RAB3IP: variants seen among roughly 807,000 people sequenced by gnomAD.
RAB3IP encodes rab-3A-interacting protein.
Under a neutral mutation model 59.1 loss-of-function variants are expected in RAB3IP, and 36 were observed. The ratio of observed to expected loss-of-function variants is 0.61; its 90% CI spans 0.47 to 0.80. The LOEUF (loss-of-function observed/expected upper bound fraction) is 0.80. Among genes scored for constraint, RAB3IP ranks in the 30% least tolerant of loss-of-function variants. The pLI is 0.00. For missense variants in RAB3IP, 511 were observed against 536.0 expected, an observed-to-expected ratio of 0.95 and a Z score of 0.46; for synonymous variants, 207 against 191.2, an observed-to-expected ratio of 1.08 and a Z score of -0.68.
intron 8 of RAB3IP, among the ~76,000 whole-genome samples, chr12:69,802,808 TG>T (rs1878601247): frequency 6.6e-6 from 1 of 152,202 alleles, no homozygotes; most frequent in African/African-American, 2.4e-5. Flanking sequence ...TACAGAATGT[TG>T]TTGTTTAGGT....
chr12:69,782,850 G>T (rs1241226611), intron 3 of RAB3IP, among the ~76,000 whole-genome samples: 1 of 151,496 alleles, frequency 6.6e-6, no homozygotes, highest in Admixed American at 6.6e-5. Flanking sequence ...ACATTCTCTG[G>T]TCCACTCAGG....
intron 8 of RAB3IP, among the ~76,000 whole-genome samples, chr12:69,811,016 TAAG>T (rs1592630641): frequency 6.6e-6 from 1 of 152,156 alleles, no homozygotes; most frequent in Admixed American, 6.5e-5. Context: ...TGAGATCTTT[TAAG>T]AAACGCTATA....
At position 69,817,705 on chromosome 12, in the gene RAB3IP, G is replaced by A. The variant is rs1396303057; in HGVS notation, c.*2259G>A. The A allele has an allele frequency of 1.4e-5, 2 of 140,602 alleles. No individual in the cohort carries two copies. The highest frequency in any genetic ancestry group is 3.1e-5 in the Non-Finnish European group (2 of 64,552). The allele number at this position is 140,602 out of a possible 1,614,324, so 8.7% of individuals were successfully genotyped here. ...ACACACACTGTGTCCATGAACTTGG[G>A]AGGATGAGGTGGGAGGATTGCTTGA... is the stretch of plus-strand genomic sequence containing the variant. On this transcript the variant is annotated 3_prime_UTR_variant, in exon 11 of 11. Coordinates refer to ENST00000247833, the MANE Select transcript of RAB3IP (RefSeq NM_022456.5).
intron 3 of RAB3IP, among the ~76,000 whole-genome samples, chr12:69,780,498 G>A (rs1387140787): frequency 6.6e-6 from 1 of 152,238 alleles, no homozygotes; most frequent in Non-Finnish European, 1.5e-5. Context: ...CCCTGCACAG[G>A]TGGGGCATTT....
chr12:69,740,730 A>G (rs1357643625), intron 1 of RAB3IP, among the ~76,000 whole-genome samples: 1 of 152,194 alleles, frequency 6.6e-6, no homozygotes, highest in Non-Finnish European at 1.5e-5. Context: ...CTAAACTCTC[A>G]TCCTCCCCCA....
chr12:69,795,039 T>TA, intron 5 of RAB3IP, 102 bp from the exon 6 acceptor site: 1 of 845,748 alleles, frequency 1.2e-6, no homozygotes, highest in Non-Finnish European at 1.8e-6. Flanking sequence ...AAATTAAACT[T>TA]ACTTTTCATC....
intron 4 of RAB3IP, among the ~76,000 whole-genome samples, chr12:69,789,563 G>C (rs570251134): frequency 6.6e-6 from 1 of 152,078 alleles, no homozygotes; most frequent in Non-Finnish European, 1.5e-5. Flanking sequence ...AAATAGAAGA[G>C]GGAACCCTTC....
At position 69,738,913 on chromosome 12, in the gene RAB3IP, C is replaced by T. The variant is rs1024839729; in HGVS notation, c.-144C>T. 2.0e-5 allele frequency: 3 copies of T among 152,070 alleles called. No homozygotes were observed. The highest frequency in any genetic ancestry group is 7.2e-5 in the African/African-American group (3 of 41,436). The allele number at this position is 152,070 out of a possible 1,614,324, so 9.4% of individuals were successfully genotyped here. ...GCTGCCGGCGTAGTGAGCCCGCCGCCGTGGAGTGTAGCGGAAAGGGCTCGC... is the reference window on the plus strand; with the variant it reads ...GCTGCCGGCGTAGTGAGCCCGCCGCTGTGGAGTGTAGCGGAAAGGGCTCGC... On this transcript the variant is annotated 5_prime_UTR_variant, in exon 1 of 11. Transcript: ENST00000247833.
Position 69,812,780 on chromosome 12 carries a change from A to T in RAB3IP, c.1133A>T (p.Lys378Ile). The T allele has an allele frequency of 6.3e-7, 1 of 1,596,514 alleles. No homozygotes were observed. The highest frequency in any genetic ancestry group is 8.5e-7 in the Non-Finnish European group (1 of 1,170,782). The change falls in exon 9 of 11, where the codon AAA (lysine) becomes ATA (isoleucine). Residue 378 changes from lysine (K) to isoleucine (I), a missense_variant and splice_region_variant. By Grantham distance (102) the Lys-to-Ile change is moderately radical. Transcript: ENST00000247833. ...ASAVECGGPK[K>I]CALTGQSKSC... ...TGAAATTTATCATTATTTCACAGAAAATGTGCTCTCACTGGCCAGAGTAAG... is the reference window on the plus strand; with the variant it reads ...TGAAATTTATCATTATTTCACAGAATATGTGCTCTCACTGGCCAGAGTAAG...
chr12:69,770,506 G>T (rs1872938556), intron 3 of RAB3IP, among the ~76,000 whole-genome samples: 1 of 151,996 alleles, frequency 6.6e-6, no homozygotes, highest in Non-Finnish European at 1.5e-5. Context: ...TCTGTGGTTT[G>T]GTGAATATGC....
At chr12:69,804,835 G>T (rs1441814197) in intron 8 of RAB3IP, among the ~76,000 whole-genome samples, 2 of 151,808 alleles carry the variant, frequency 1.3e-5, no homozygotes, top group Non-Finnish European at 1.5e-5. Context: ...TGAGGGCTCT[G>T]TTCTGTTCCA....
intron 1 of RAB3IP, among the ~76,000 whole-genome samples, chr12:69,752,916 A>G (rs2136120016): frequency 6.6e-6 from 1 of 152,346 alleles, no homozygotes; most frequent in African/African-American, 2.4e-5. Context: ...GATTATGAAT[A>G]AAAAATGAAA....
At chr12:69,759,089 A>G (rs1342880752) in intron 3 of RAB3IP, among the ~76,000 whole-genome samples, 2 of 150,050 alleles carry the variant, frequency 1.3e-5, no homozygotes, top group Admixed American at 6.6e-5. Flanking sequence ...CAGATAAACA[A>G]GTGAACAAAG....
intron 3 of RAB3IP, among the ~76,000 whole-genome samples, chr12:69,764,734 G>A (rs1465524353): frequency 6.6e-6 from 1 of 151,990 alleles, no homozygotes; most frequent in Non-Finnish European, 1.5e-5. Context: ...ATTGCTTTGG[G>A]CAGTATGGCC....
In RAB3IP at chr12:69,806,500, A is replaced by G. The variant is rs577694228; in HGVS notation, c.1130+4779A>G. ...GGTTTTTTGCGTCTCTATTTCCTTC[A>G]GTTCTGCTCTGATCTTAGTTATTTC... is the stretch of plus-strand genomic sequence containing the variant. On this transcript the variant is annotated intron_variant, in intron 8 of 10. Transcript: ENST00000247833. Among the ~76,000 whole-genome samples the G allele has an allele frequency of 4.1e-5, 6 of 144,584 alleles. No individual in the cohort carries two copies. The East Asian group carries it at 1.2e-3, about 29-fold the overall frequency. The allele number at this position is 144,584 out of a possible 152,430, so 94.9% of individuals were successfully genotyped here. A position where few individuals can be genotyped will look rare whatever the true frequency, so the allele number is the denominator to read the frequency against.
At chr12:69,751,327 G>C (rs1482771460) in intron 1 of RAB3IP, among the ~76,000 whole-genome samples, 2 of 152,016 alleles carry the variant, frequency 1.3e-5, no homozygotes, top group Admixed American at 1.3e-4. Flanking sequence ...GATGTTCCAG[G>C]GTCCTTTCGT....
chr12:69,815,500 T>C lies in RAB3IP; in HGVS notation c.*54T>C. On this transcript the variant is annotated 3_prime_UTR_variant, in exon 11 of 11. Coordinates refer to ENST00000247833, the MANE Select transcript of RAB3IP (RefSeq NM_022456.5). ...CCCGAATAACTGAAAAATGGCTGAA[T>C]ATTTTTATGGTTACTTGATATTTAT... is the stretch of plus-strand genomic sequence containing the variant. 1 of 1,201,622 alleles carries C rather than the reference T, an allele frequency of 8.3e-7. No homozygotes were observed. Among genetic ancestry groups the C allele is most frequent in the East Asian group, 2.3e-5 (1 of 42,860 alleles). 74.4% of individuals were successfully genotyped at this position (1,201,622 alleles called of 1,614,324 possible).
intron 4 of RAB3IP, among the ~76,000 whole-genome samples, chr12:69,794,100 A>G (rs1236108043): frequency 2.0e-5 from 3 of 152,206 alleles, no homozygotes; most frequent in African/African-American, 7.2e-5. Flanking sequence ...ATATATAGTG[A>G]CCACATTATA....
intron 3 of RAB3IP, among the ~76,000 whole-genome samples, chr12:69,757,327 A>G (rs1020171953): frequency 3.3e-5 from 5 of 152,234 alleles, no homozygotes. Context: ...AGCAAGTAGA[A>G]GGAAGGAAAT....
Sources: allele counts gnomAD v4.1 joint callset (sites outside exome capture counted in the v4.1 genomes callset), GRCh38; gene constraint gnomAD v4.1.1; transcripts MANE v1.5; gene names NCBI Gene and HGNC (gene_info 2026-07-23, HGNC 2026-07-21).